The following ARHGAP45 variants were observed in gnomAD, a reference collection of about 807,000 sequenced individuals.
The protein encoded by ARHGAP45 is rho GTPase-activating protein 45.
In ARHGAP45, 56 loss-of-function variants were observed where a neutral mutation model predicts 116.1. That is an observed-to-expected ratio of 0.48 (90% confidence interval 0.39 to 0.60). ARHGAP45 has a LOEUF of 0.60. Among genes scored for constraint, ARHGAP45 ranks in the 20% least tolerant of loss-of-function variants. The probability of loss-of-function intolerance (pLI) is 0.00; values close to 1 mark genes in which losing one functional copy is unlikely to be tolerated. For synonymous variants in ARHGAP45, 866 were observed against 701.7 expected, an observed-to-expected ratio of 1.23 and a Z score of -3.70; for missense variants, 1,622 against 1,601.0, an observed-to-expected ratio of 1.01 and a Z score of -0.22.
intron 10 of ARHGAP45, among the ~76,000 whole-genome samples, 181 bp downstream of exon 10, chr19:1,075,060 T>G (rs1409243803): frequency 6.7e-6 from 1 of 148,488 alleles, no homozygotes; most frequent in Non-Finnish European, 1.5e-5. Context: ...TCGGAGATGC[T>G]CCAGCCCCGT....
At chr19:1,085,574 T>TC in intron 22 of ARHGAP45, 86 bp from the exon 23 acceptor site, 1 of 865,530 alleles carries the variant, frequency 1.2e-6, no homozygotes, top group East Asian at 2.9e-5. Context: ...CTCCTGTCTC[T>TC]CCCCATCTCT....
chr19:1,079,741 C>T lies in ARHGAP45; in HGVS notation c.1413C>T (p.Ala471=), dbSNP rs1171843466. Residue 471 remains alanine, a synonymous_variant, in exon 12 of 23, where the codon GCC becomes GCT. Transcript: ENST00000313093. ...TGGCCACCTACCGCACCTGCGTGGC[C>T]GACGCGAAGACGCAGAAGCAGGAGC... The part of the protein sequence containing the change: ...EAMATYRTCV[A]DAKTQKQELE... 4.3e-6 allele frequency: 7 copies of T among 1,612,494 alleles called. No homozygotes were observed. The highest frequency in any genetic ancestry group is 5.9e-6 in the Non-Finnish European group (7 of 1,179,780).
At chr19:1,081,154 C>T in intron 17 of ARHGAP45, 90 bp downstream of exon 17, 5 of 1,397,000 alleles carry the variant, frequency 3.6e-6, no homozygotes, top group Admixed American at 4.7e-5. Context: ...CAGGAATGTC[C>T]GGCCCAGAGC....
rs1404498337 is a variant in ARHGAP45 at position 1,078,197 on chromosome 19, G to A, written c.1374+152G>A. The A allele has an allele frequency of 3.1e-6, 4 of 1,305,648 alleles. No individual in the cohort carries two copies. In the South Asian group the frequency reaches 6.2e-5, roughly 20 times the overall value. The allele number at this position is 1,305,648 out of a possible 1,614,324, so 80.9% of individuals were successfully genotyped here. The stretch of plus-strand genomic sequence containing the variant: ...CTTGCTCTGTCGCCCAGGCTGGAGT[G>A]CAGTGGCACAGTCTCGGCTCACTGC... On this transcript the variant is annotated intron_variant, in intron 11 of 22. Transcript: ENST00000313093.
Position 1,086,375 on chromosome 19 carries a change from G to GCCCTC in ARHGAP45, c.*370_*374dup, listed in dbSNP as rs2043653066. On this transcript the variant is annotated 3_prime_UTR_variant, in exon 23 of 23. Coordinates refer to ENST00000313093, the MANE Select transcript of ARHGAP45 (RefSeq NM_012292.5). ...GGACGCAGGAGGCAGGCCCTGCCCT[G>GCCCTC]CCCTCTCCTCACAGGTCTGTTGCAG... 4.3e-6 allele frequency: 1 copy of GCCCTC among 232,630 alleles called. No homozygotes were observed. The highest frequency in any genetic ancestry group is 6.0e-5 in the South Asian group (1 of 16,760). 14.4% of individuals were successfully genotyped at this position (232,630 alleles called of 1,614,324 possible). A position where few individuals can be genotyped will look rare whatever the true frequency, so the allele number is the denominator to read the frequency against.
intron 19 of ARHGAP45, 135 bp downstream of exon 19, chr19:1,082,096 C>A: frequency 2.1e-6 from 1 of 467,030 alleles, no homozygotes; most frequent in Admixed American, 6.4e-5. Context: ...CTGGGGAGGA[C>A]AGGGTGGGCG....
At position 1,079,909 on chromosome 19, in the gene ARHGAP45, T is replaced by A; in HGVS notation, c.1513-19T>A. 2 of 1,600,390 alleles carry A rather than the reference T, an allele frequency of 1.2e-6. No individual in the cohort carries two copies. Among genetic ancestry groups the A allele is most frequent in the Non-Finnish European group, 1.7e-6 (2 of 1,170,030 alleles). On this transcript the variant is annotated intron_variant, in intron 12 of 22. Coordinates refer to ENST00000313093, the MANE Select transcript of ARHGAP45 (RefSeq NM_012292.5). ...GGCGGCCTCCTCCTGACCCCTCCGC[T>A]CTCCGGTGCCGCCCGCAGGCCACGA...
intron 22 of ARHGAP45, 113 bp from the exon 23 acceptor site, chr19:1,085,547 C>CCCCATCTCTCCTGTCTCTT (rs2043594706): frequency 1.9e-5 from 14 of 753,464 alleles, no homozygotes; most frequent in Middle Eastern, 2.4e-4. Context: ...TCCTGTCTCT[C>CCCCATCTCTCCTGTCTCTT]CATCTCTCTC....
Position 1,080,668 on chromosome 19 carries a change from T to G in ARHGAP45, c.1913-14T>G. On this transcript the variant is annotated splice_polypyrimidine_tract_variant and intron_variant, in intron 15 of 22. Transcript: ENST00000313093. ...CTGGCTGGGGGAGTCTGAACAGTCC[T>G]GATTCCCGCCCAGGGGACTTTAAGA... 6.2e-7 allele frequency: 1 copy of G among 1,612,316 alleles called. No homozygotes were observed. Among genetic ancestry groups the G allele is most frequent in the Non-Finnish European group, 8.5e-7 (1 of 1,179,102 alleles).
upstream of ARHGAP45, chr19:1,066,221 G>C: frequency 6.9e-7 from 1 of 1,458,022 alleles, no homozygotes; most frequent in Admixed American, 2.0e-5. Flanking sequence ...ATTGGGGGTG[G>C]GGTTCTGGAA....
At chr19:1,083,410 C>G in intron 21 of ARHGAP45, 57 bp downstream of exon 21, 1 of 1,423,182 alleles carries the variant, frequency 7.0e-7, no homozygotes. Context: ...GCAGGGGGCG[C>G]TGCTGGGGAC....
chr19:1,082,815 C>A, intron 19 of ARHGAP45, 25 bp from the exon 20 acceptor site: 3 of 1,465,160 alleles, frequency 2.0e-6, no homozygotes, highest in Non-Finnish European at 2.7e-6. Context: ...CCCACCAACA[C>A]CTGCTGACCC....
chr19:1,077,162 C>T, intron 10 of ARHGAP45: 1 of 985,372 alleles, frequency 1.0e-6, no homozygotes, highest in Non-Finnish European at 1.2e-6. Flanking sequence ...TGGCTTCCTG[C>T]CTGGGCGGCT....
Position 1,080,944 on chromosome 19 carries a change from G to T in ARHGAP45, c.2070G>T (p.Pro690=). The T allele has an allele frequency of 6.2e-7, 1 of 1,609,562 alleles. No homozygotes were observed. The highest frequency in any genetic ancestry group is 8.5e-7 in the Non-Finnish European group (1 of 1,178,566). ...TGCCGGTGGCCGTGCCCAGTGGACC[G>T]TTCCGCCACGAGGGGCTGTCCAAGG... ...PELPVAVPSG[P]FRHEGLSKAA... The change falls in exon 17 of 23, where the codon CCG becomes CCT. Residue 690 remains proline, a synonymous_variant. Transcript: ENST00000313093.
chr19:1,076,743 C>T (rs989649588), intron 10 of ARHGAP45, among the ~76,000 whole-genome samples: 1 of 151,754 alleles, frequency 6.6e-6, no homozygotes, highest in Admixed American at 6.6e-5. Flanking sequence ...GTAATCTGCC[C>T]ACCTTGTCCT....
rs1221315767 is a variant in ARHGAP45 at position 1,080,354 on chromosome 19, G to C, written c.1803G>C (p.Glu601Asp). 6.2e-7 allele frequency: 1 copy of C among 1,607,500 alleles called. No individual in the cohort carries two copies. Among genetic ancestry groups the C allele is most frequent in the Admixed American group, 1.7e-5 (1 of 58,632 alleles). ...GSPPEEGGCT[E>D]GTPAKDHRAG... Reference sequence around the variant, plus strand: ...CCCCAGAAGAAGGCGGGTGCACTGAGGGCACACCTGCCAAGGACCACAGGG... The same window carrying C: ...CCCCAGAAGAAGGCGGGTGCACTGACGGCACACCTGCCAAGGACCACAGGG... The change falls in exon 14 of 23, where the codon GAG becomes GAC. Residue 601 changes from glutamate (E) to aspartate (D), a missense_variant. Around this residue, in one of 3 missense-constraint regions of ARHGAP45, gnomAD observed 1,334 missense variants for 1,263.8 expected, o/e 1.06. Transcript: ENST00000313093.
intron 19 of ARHGAP45, 141 bp downstream of exon 19, chr19:1,082,102 G>A: frequency 1.2e-6 from 1 of 844,158 alleles, no homozygotes; most frequent in South Asian, 1.8e-5. Context: ...AGGACAGGGT[G>A]GGCGGGACAG....
At chr19:1,082,434 A>C in intron 19 of ARHGAP45, 2 of 155,540 alleles carry the variant, frequency 1.3e-5, no homozygotes, top group African/African-American at 5.1e-5. Flanking sequence ...GGCTGGGGCC[A>C]GGGGCGTGGT....
intron 11 of ARHGAP45, 118 bp downstream of exon 11, chr19:1,078,163 A>G: frequency 7.0e-7 from 1 of 1,430,610 alleles, no homozygotes; most frequent in Non-Finnish European, 9.3e-7. Context: ...TTTGTTTTTG[A>G]GACGGAGTCT....
Sources: gnomAD v4.1 joint callset for allele counts (sites outside exome capture counted in the v4.1 genomes callset) on GRCh38, gnomAD v4.1.1 for gene constraint, gnomAD v4.1.1 regional missense constraint, MANE v1.5 for transcripts, NCBI Gene and HGNC (gene_info 2026-07-23, HGNC 2026-07-21) for gene names.